EGLN1: variants seen among roughly 807,000 people sequenced by gnomAD.
The protein encoded by EGLN1 is egl-9 family hypoxia inducible factor 1, also known as egl nine homolog 1.
In EGLN1, 17 loss-of-function variants were observed where a neutral mutation model predicts 38.3. The ratio of observed to expected loss-of-function variants is 0.44; its 90% CI spans 0.30 to 0.67. EGLN1 has a LOEUF of 0.67. EGLN1 is among the 30% of genes least tolerant of loss of function. EGLN1 has a pLI of 0.08. For synonymous variants in EGLN1, 283 were observed against 257.5 expected (o/e 1.10, Z -0.95); for missense variants, 477 against 603.3 (o/e 0.79, Z 2.19).
intron 1 of EGLN1, among the ~76,000 whole-genome samples, chr1:231,381,079 T>A (rs1374934343): frequency 6.6e-6 from 1 of 152,024 alleles, no homozygotes; most frequent in Non-Finnish European, 1.5e-5. Flanking sequence ...GCTAATTTTT[T>A]AATGTTTTCT....
intron 1 of EGLN1, among the ~76,000 whole-genome samples, chr1:231,394,874 T>C (rs1688482208): frequency 6.6e-6 from 1 of 152,116 alleles, no homozygotes; most frequent in Admixed American, 6.5e-5. Flanking sequence ...GTACACAATA[T>C]AGTGATGGAA....
At chr1:231,377,104 A>C (rs1687980563) in intron 1 of EGLN1, among the ~76,000 whole-genome samples, 1 of 152,210 alleles carries the variant, frequency 6.6e-6, no homozygotes, top group Non-Finnish European at 1.5e-5. Context: ...CAACCACAAC[A>C]ACCTCAATAT....
chr1:231,385,254 G>C (rs1688174543), intron 1 of EGLN1, among the ~76,000 whole-genome samples: 1 of 152,196 alleles, frequency 6.6e-6, no homozygotes, highest in Non-Finnish European at 1.5e-5. Context: ...GAGAGATCAG[G>C]AGTTCAGTTT....
At chr1:231,387,455 G>A (rs1216362356) in intron 1 of EGLN1, among the ~76,000 whole-genome samples, 1 of 150,744 alleles carries the variant, frequency 6.6e-6, no homozygotes, top group Non-Finnish European at 1.5e-5. Flanking sequence ...CACCTCCCGG[G>A]TTCATGCCAT....
intron 1 of EGLN1, 30 bp downstream of exon 1, chr1:231,420,968 G>C: frequency 6.2e-7 from 1 of 1,613,992 alleles, no homozygotes; most frequent in South Asian, 1.1e-5. Flanking sequence ...AGAAGGGCCT[G>C]TCCAGCACAA....
intron 1 of EGLN1, among the ~76,000 whole-genome samples, chr1:231,408,034 G>A (rs479200): frequency 0.73 from 110,883 of 152,026 alleles, 40,726 homozygotes; most frequent in Middle Eastern, 0.79. Context: ...AATACTGTAC[G>A]TAACAAGCAA....
rs1331328829 is a variant in EGLN1, at chr1:231,421,785, C to T, written c.104G>A (p.Arg35His). ...GKMENLLRCS[R>H]CRSSFYCCKE... ...GCAGCAGTAGAAGGAGCTGCGGCAG[C>T]GGCTGCAGCGCAGCAGGTTCTCCAT... The change falls in exon 1 of 5, where the codon CGC becomes CAC. Residue 35 changes from arginine to histidine, a missense_variant. Arg to His is a conservative substitution (Grantham distance 29, BLOSUM62 0). Around this residue, in one of 4 missense-constraint regions of EGLN1, gnomAD observed 298 missense variants for 288.9 expected, o/e 1.03. Coordinates refer to ENST00000366641, the MANE Select transcript of EGLN1 (RefSeq NM_022051.3). This position sits in a 1 kb window ranked among gnomAD's most constrained non-coding sequence, Gnocchi z 5.5. 1.9e-6 allele frequency: 3 copies of T among 1,557,766 alleles called. No individual in the cohort carries two copies. The highest frequency in any genetic ancestry group is 1.2e-5 in the South Asian group (1 of 86,112).
intron 1 of EGLN1, among the ~76,000 whole-genome samples, chr1:231,415,247 T>C (rs1444598615): frequency 6.7e-6 from 1 of 148,194 alleles, no homozygotes; most frequent in Non-Finnish European, 1.5e-5. Context: ...CACTCCAGCC[T>C]GGGCATGTTA....
At chr1:231,371,100 G>C (rs1687810550) in intron 2 of EGLN1, among the ~76,000 whole-genome samples, 1 of 152,178 alleles carries the variant, frequency 6.6e-6, no homozygotes, top group Non-Finnish European at 1.5e-5. Flanking sequence ...ATGTTGGCCA[G>C]GCTGGACTCG....
In EGLN1 at chr1:231,421,996, C is replaced by T; in HGVS notation, c.-108G>A. The T allele has an allele frequency of 8.5e-7, 1 of 1,181,388 alleles. No homozygotes were observed. Among genetic ancestry groups the T allele is most frequent in the Non-Finnish European group, 1.1e-6 (1 of 922,228 alleles). The allele number at this position is 1,181,388 out of a possible 1,614,324, so 73.2% of individuals were successfully genotyped here. On this transcript the variant is annotated 5_prime_UTR_variant, in exon 1 of 5. Transcript: ENST00000366641. This position sits in a 1 kb window ranked among gnomAD's most constrained non-coding sequence, Gnocchi z 5.5. ...GCGGGGAGAGAGATAGGGGCCGTTA[C>T]TGCGCCATGCACCCGCTACCCTCGC...
chr1:231,379,714 A>G (rs1688035540), intron 1 of EGLN1, among the ~76,000 whole-genome samples: 1 of 152,196 alleles, frequency 6.6e-6, no homozygotes, highest in Non-Finnish European at 1.5e-5. Context: ...ATGTGGGAGG[A>G]AACTGGAGCA....
At chr1:231,384,844 T>C (rs1040471271) in intron 1 of EGLN1, among the ~76,000 whole-genome samples, 1 of 152,206 alleles carries the variant, frequency 6.6e-6, no homozygotes, top group Non-Finnish European at 1.5e-5. Context: ...GCTGCTTTTG[T>C]GCCCCAACTC....
chr1:231,364,514 A>G lies in EGLN1; in HGVS notation c.*1897T>C, dbSNP rs1418465979. On this transcript the variant is annotated 3_prime_UTR_variant, in exon 5 of 5. Transcript: ENST00000366641. ...TGAATATGGGCGAGGAAAAAACAAT[A>G]AACTATCACTTTCTCCTGCAAATTC... is the stretch of plus-strand genomic sequence containing the variant. The G allele has an allele frequency of 6.6e-6, 1 of 152,208 alleles. No individual in the cohort carries two copies. The highest frequency in any genetic ancestry group is 1.5e-5 in the Non-Finnish European group (1 of 68,038). The allele number at this position is 152,208 out of a possible 1,614,324, so 9.4% of individuals were successfully genotyped here.
At chr1:231,406,171 A>C (rs2355867) in intron 1 of EGLN1, among the ~76,000 whole-genome samples, 78,982 of 149,658 alleles carry the variant, frequency 0.53, 23,187 homozygotes, top group Middle Eastern at 0.65. Context: ...GTCTCAAAAA[A>C]AAAAAAAATT....
intron 1 of EGLN1, among the ~76,000 whole-genome samples, chr1:231,411,529 T>C (rs1688942200): frequency 1.3e-5 from 2 of 152,208 alleles, no homozygotes; most frequent in East Asian, 3.9e-4. Context: ...ACATAAAAAT[T>C]AGCCTTAAAC....
At chr1:231,401,904 G>A (rs965118955) in intron 1 of EGLN1, among the ~76,000 whole-genome samples, 1 of 152,124 alleles carries the variant, frequency 6.6e-6, no homozygotes. Flanking sequence ...CAAAGTGGCT[G>A]TACCATTTTG....
intron 1 of EGLN1, among the ~76,000 whole-genome samples, chr1:231,391,083 GTTTTTTTTTTGTGTGTGTGTGTGTGT>G (rs1440429262): frequency 2.0e-5 from 1 of 49,798 alleles, no homozygotes; most frequent in Admixed American, 1.9e-4. Flanking sequence ...AACTCATTCT[GTTTTTTTTTTGTGTGTGTGTGTGTGT>G]GTGTGTGTGT....
At chr1:231,373,487 T>C (rs1443308179) in intron 2 of EGLN1, among the ~76,000 whole-genome samples, 1 of 152,234 alleles carries the variant, frequency 6.6e-6, no homozygotes, top group Non-Finnish European at 1.5e-5. Context: ...GAATCCACTT[T>C]TTAAGATATA....
intron 1 of EGLN1, among the ~76,000 whole-genome samples, chr1:231,376,746 T>C (rs1351254628): frequency 6.6e-6 from 1 of 152,210 alleles, no homozygotes; most frequent in African/African-American, 2.4e-5. Context: ...ATTAGGTATA[T>C]AGAGAAAGAT....
Sources: allele counts gnomAD v4.1 joint callset (sites outside exome capture counted in the v4.1 genomes callset), GRCh38; gene constraint gnomAD v4.1.1; regional missense constraint gnomAD v4.1.1; non-coding constraint Gnocchi (gnomAD v3.1); transcripts MANE v1.5; gene names NCBI Gene and HGNC (gene_info 2026-07-23, HGNC 2026-07-21).